Variants in MTA3 observed in about 807,000 individuals in gnomAD.
MTA3 encodes the protein metastasis associated 1 family member 3, also known as metastasis-associated protein MTA3.
Under a neutral mutation model 83.5 loss-of-function variants are expected in MTA3, and 34 were observed. That is an observed-to-expected ratio of 0.41 (90% CI 0.31 to 0.54). The LOEUF (loss-of-function observed/expected upper bound fraction) is 0.54, where lower values mean the gene tolerates loss of function less well. Ranked by LOEUF, MTA3 falls within the 20% of genes least tolerant of loss-of-function variation. The pLI, the probability that MTA3 is intolerant of heterozygous loss-of-function variation, is 0.33. For synonymous variants in MTA3, 303 were observed against 252.7 expected (o/e 1.20, Z -1.89); for missense variants, 761 against 726.4 (o/e 1.05, Z -0.55).
intron 14 of MTA3, among the ~76,000 whole-genome samples, chr2:42,710,693 T>TA (rs1163112356): frequency 2.0e-5 from 3 of 152,218 alleles, no homozygotes; most frequent in African/African-American, 7.2e-5. Flanking sequence ...CTCATGGACT[T>TA]ACGTTACCAC....
intron 2 of MTA3, among the ~76,000 whole-genome samples, chr2:42,527,631 G>A (rs1463133538): frequency 6.6e-6 from 1 of 151,972 alleles, no homozygotes; most frequent in Admixed American, 6.6e-5. Context: ...CTCCTCAAAA[G>A]TGTTAAATAA....
At position 42,756,077 on chromosome 2, in the gene MTA3, A is replaced by G. The variant is rs1670218007; in HGVS notation, c.*2678A>G. 1 of 963,652 alleles carries G rather than the reference A, an allele frequency of 1.0e-6. No homozygotes were observed. Among genetic ancestry groups the G allele is most frequent in the Non-Finnish European group, 1.2e-6 (1 of 810,066 alleles). The allele number at this position is 963,652 out of a possible 1,614,324, so 59.7% of individuals were successfully genotyped here. ...TCCAGAGATTTGTTTAACACAAAAC[A>G]AGAAAAGCTGAGAGGCAAAACAGGG... On this transcript the variant is annotated 3_prime_UTR_variant, in exon 17 of 17. Coordinates refer to ENST00000405094, the MANE Select transcript of MTA3 (RefSeq NM_001330442.2).
At chr2:42,639,985 A>G (rs1283994059) in intron 4 of MTA3, among the ~76,000 whole-genome samples, 188 bp from the exon 5 acceptor site, 1 of 152,180 alleles carries the variant, frequency 6.6e-6, no homozygotes, top group East Asian at 1.9e-4. Context: ...GCCTATAAAG[A>G]CAGCCTTATT....
intron 6 of MTA3, among the ~76,000 whole-genome samples, chr2:42,646,566 A>G (rs1688206901): frequency 6.6e-6 from 1 of 152,248 alleles, no homozygotes; most frequent in Admixed American, 6.5e-5. Context: ...TGAAGGGTTT[A>G]CGACTTCAGT....
In MTA3 at chr2:42,609,846, T is replaced by A. The variant is rs543675022; in HGVS notation, c.317+262T>A. ...AGGCGCAGTGGCTCACGCCTGTAAT[T>A]CCAGCACTTTGGGAGGCTGAGGCGG... is the stretch of plus-strand genomic sequence containing the variant. On this transcript the variant is annotated intron_variant, in intron 4 of 16. Coordinates refer to ENST00000405094, the MANE Select transcript of MTA3 (RefSeq NM_001330442.2). Among the ~76,000 whole-genome samples, 53 of 152,240 alleles carry A rather than the reference T, an allele frequency of 3.5e-4. 1 individual carries two copies. The highest frequency in any genetic ancestry group is 2.9e-3 in the South Asian group (14 of 4,826).
At chr2:42,728,982 G>A (rs377611761) in intron 16 of MTA3, among the ~76,000 whole-genome samples, 1 of 150,276 alleles carries the variant, frequency 6.7e-6, no homozygotes, top group South Asian at 2.1e-4. Context: ...GTCTATTTTT[G>A]CTTTGGTTGC....
chr2:42,548,110 CA>C (rs775325643), intron 2 of MTA3, among the ~76,000 whole-genome samples: 4 of 152,194 alleles, frequency 2.6e-5, no homozygotes, highest in East Asian at 3.8e-4. Flanking sequence ...CGTGACATTA[CA>C]ATCATCCCCT....
intron 8 of MTA3, 147 bp downstream of exon 8, chr2:42,660,009 A>C (rs574100567): frequency 2.2e-5 from 10 of 447,592 alleles, no homozygotes; most frequent in South Asian, 8.6e-5. Context: ...TACTTGGTTG[A>C]CTGGGTTATG....
intron 7 of MTA3, among the ~76,000 whole-genome samples, chr2:42,658,755 T>A (rs1689405062): frequency 6.6e-6 from 1 of 152,106 alleles, no homozygotes; most frequent in Non-Finnish European, 1.5e-5. Flanking sequence ...ATGTTTGTTG[T>A]ATTTTAATTA....
At chr2:42,739,445 T>TTA (rs560172244) in intron 16 of MTA3, among the ~76,000 whole-genome samples, 1 of 138,528 alleles carries the variant, frequency 7.2e-6, no homozygotes, top group African/African-American at 2.6e-5. Flanking sequence ...ACTTTATTGC[T>TTA]AAAAAAAAAA....
At chr2:42,706,762 A>T (rs564048987) in intron 12 of MTA3, among the ~76,000 whole-genome samples, 50 of 152,356 alleles carry the variant, frequency 3.3e-4, no homozygotes, top group Middle Eastern at 6.8e-3. Context: ...TACAGTGTTC[A>T]GCTAGCTGTT....
intron 5 of MTA3, among the ~76,000 whole-genome samples, chr2:42,643,197 T>A (rs1450773920): frequency 6.6e-6 from 1 of 152,164 alleles, no homozygotes; most frequent in African/African-American, 2.4e-5. Flanking sequence ...TAGGAGAGAT[T>A]TTTACTGTCT....
At chr2:42,702,246 A>C (rs1047757661) in intron 11 of MTA3, 12 of 152,252 alleles carry the variant, frequency 7.9e-5, no homozygotes, top group African/African-American at 2.9e-4. Context: ...AAAAATAAAA[A>C]CCAATTTGTC....
chr2:42,536,569 T>C (rs1676246961), intron 2 of MTA3, among the ~76,000 whole-genome samples: 1 of 150,424 alleles, frequency 6.6e-6, no homozygotes, highest in South Asian at 2.1e-4. Context: ...ATTAGGAGTA[T>C]ATAGTGGAGG....
At chr2:42,570,148 G>A (rs1026716017) in intron 1 of MTA3, among the ~76,000 whole-genome samples, 3 of 152,160 alleles carry the variant, frequency 2.0e-5, no homozygotes, top group African/African-American at 7.2e-5. Context: ...ACTACACAGT[G>A]ATAAGAGGTG....
At chr2:42,591,759 T>C (rs1681033833) in intron 3 of MTA3, among the ~76,000 whole-genome samples, 1 of 152,112 alleles carries the variant, frequency 6.6e-6, no homozygotes, top group African/African-American at 2.4e-5. Flanking sequence ...CAAGCAATTC[T>C]CCTGCCTCAG....
chr2:42,703,189 C>A (rs547861353), intron 11 of MTA3: 2 of 152,332 alleles, frequency 1.3e-5, no homozygotes, highest in East Asian at 3.9e-4. Flanking sequence ...TCTCCGAACT[C>A]CTGGCTTCAA....
At chr2:42,583,612 C>T (rs1337331198) in intron 3 of MTA3, among the ~76,000 whole-genome samples, 4 of 152,212 alleles carry the variant, frequency 2.6e-5, no homozygotes, top group South Asian at 4.1e-4. Flanking sequence ...TGTCTCACTG[C>T]AGCCTTCCCT....
At chr2:42,565,013 T>C (rs562251663), upstream of MTA3, among the ~76,000 whole-genome samples, 14 of 152,204 alleles carry the variant, frequency 9.2e-5, no homozygotes, top group South Asian at 2.9e-3. Flanking sequence ...CCTGACCTCA[T>C]GATCCGCCGG....
Sources: gnomAD v4.1 joint callset for allele counts (sites outside exome capture counted in the v4.1 genomes callset) on GRCh38, gnomAD v4.1.1 for gene constraint, MANE v1.5 for transcripts, NCBI Gene and HGNC (gene_info 2026-07-23, HGNC 2026-07-21) for gene names.